CDH12: variants seen among roughly 807,000 people sequenced by gnomAD.
CDH12 encodes cadherin-12.
In CDH12, 41 loss-of-function variants were observed where a neutral mutation model predicts 74.1. The ratio of observed to expected loss-of-function variants is 0.55; its 90% CI spans 0.43 to 0.72. The LOEUF is 0.72. Among genes scored for constraint, CDH12 ranks in the 30% least tolerant of loss-of-function variants. The pLI is 0.00. For missense variants in CDH12, 945 were observed against 977.2 expected, an observed-to-expected ratio of 0.97 and a Z score of 0.44; for synonymous variants, 399 against 355.0, an observed-to-expected ratio of 1.12 and a Z score of -1.39.
intron 5 of CDH12, among the ~76,000 whole-genome samples, chr5:22,029,511 A>T (rs1411748442): frequency 1.3e-5 from 2 of 150,878 alleles, no homozygotes; most frequent in Non-Finnish European, 3.0e-5. Flanking sequence ...CACATGAAAA[A>T]ATGCTCATCA....
At chr5:22,487,838 CT>C (rs1263895953) in intron 2 of CDH12, among the ~76,000 whole-genome samples, 6 of 152,168 alleles carry the variant, frequency 3.9e-5, no homozygotes, top group Non-Finnish European at 7.3e-5. Context: ...CAACTGAGAA[CT>C]GTGCTTAATA....
intron 1 of CDH12, among the ~76,000 whole-genome samples, chr5:22,586,645 C>A (rs2126792106): frequency 6.6e-6 from 1 of 151,892 alleles, no homozygotes; most frequent in East Asian, 1.9e-4. Context: ...GAATTTTTCT[C>A]ATTTTCTCCT....
At chr5:21,941,954 A>G (rs1423286308) in intron 6 of CDH12, among the ~76,000 whole-genome samples, 2 of 152,152 alleles carry the variant, frequency 1.3e-5, no homozygotes, top group Non-Finnish European at 2.9e-5. Flanking sequence ...GGAACCTGTG[A>G]AAATGTCACC....
chr5:22,728,640 G>C (rs1479317950), intron 1 of CDH12, among the ~76,000 whole-genome samples: 1 of 151,848 alleles, frequency 6.6e-6, no homozygotes, highest in Non-Finnish European at 1.5e-5. Flanking sequence ...CTGTCATTGT[G>C]GGAAAGATAA....
chr5:22,457,789 GGC>G (rs1745342833), intron 2 of CDH12, among the ~76,000 whole-genome samples: 1 of 151,956 alleles, frequency 6.6e-6, no homozygotes, highest in Non-Finnish European at 1.5e-5. Context: ...CTGTCACCCA[GGC>G]TGGAGTGCAG....
intron 1 of CDH12, among the ~76,000 whole-genome samples, chr5:22,797,191 A>C (rs1748272266): frequency 6.6e-6 from 1 of 151,172 alleles, no homozygotes; most frequent in South Asian, 2.1e-4. Flanking sequence ...TATAAAAAAA[A>C]AAAAAAAAAA....
chr5:22,044,073 CAT>C (rs1172322014), intron 5 of CDH12, among the ~76,000 whole-genome samples: 3 of 151,906 alleles, frequency 2.0e-5, no homozygotes, highest in African/African-American at 7.3e-5. Context: ...CCTTCAAAGA[CAT>C]AGAAAAAAAT....
chr5:22,062,804 A>G (rs879432931), intron 5 of CDH12, among the ~76,000 whole-genome samples: 1 of 152,160 alleles, frequency 6.6e-6, no homozygotes, highest in African/African-American at 2.4e-5. Flanking sequence ...AAGGAGACTA[A>G]CACATTAGAC....
intron 5 of CDH12, among the ~76,000 whole-genome samples, chr5:22,041,572 AAAG>A (rs1315610457): frequency 1.2e-4 from 19 of 152,266 alleles, no homozygotes; most frequent in Non-Finnish European, 1.0e-4. Flanking sequence ...CACAAGAGAC[AAAG>A]AAGAACTTTA....
chr5:22,359,856 G>A (rs1740723408), intron 3 of CDH12, among the ~76,000 whole-genome samples: 1 of 152,136 alleles, frequency 6.6e-6, no homozygotes, highest in African/African-American at 2.4e-5. Context: ...AATGAAGGCA[G>A]TAATAAAGAT....
intron 6 of CDH12, among the ~76,000 whole-genome samples, chr5:21,932,525 G>T (rs1173252871): frequency 2.0e-5 from 3 of 152,010 alleles, no homozygotes; most frequent in African/African-American, 7.3e-5. Flanking sequence ...GAATTTTGTG[G>T]TTTCTATTAA....
intron 10 of CDH12, among the ~76,000 whole-genome samples, chr5:21,792,583 A>G (rs1746557910): frequency 6.9e-6 from 1 of 144,530 alleles, no homozygotes; most frequent in Admixed American, 7.3e-5. Context: ...CAAGTTGCTT[A>G]AGCTTTCCTC....
At chr5:22,848,716 C>T (rs973061736) in intron 1 of CDH12, among the ~76,000 whole-genome samples, 5 of 152,144 alleles carry the variant, frequency 3.3e-5, no homozygotes, top group Admixed American at 6.5e-5. Context: ...CAGTGTGTAA[C>T]TCTAGCTTGG....
intron 3 of CDH12, among the ~76,000 whole-genome samples, chr5:22,378,451 T>C (rs1489032869): frequency 6.6e-6 from 1 of 152,112 alleles, no homozygotes; most frequent in Non-Finnish European, 1.5e-5. Flanking sequence ...AGTGGACGTA[T>C]ATAACAAAAG....
chr5:22,349,533 C>T (rs1740265942), intron 3 of CDH12, among the ~76,000 whole-genome samples: 1 of 152,094 alleles, frequency 6.6e-6, no homozygotes, highest in Non-Finnish European at 1.5e-5. Flanking sequence ...CCCCTCTTTC[C>T]CAATTCGGAA....
intron 6 of CDH12, among the ~76,000 whole-genome samples, chr5:21,856,724 G>T (rs547848087): frequency 4.0e-5 from 6 of 151,786 alleles, no homozygotes; most frequent in Non-Finnish European, 8.8e-5. Flanking sequence ...ATTTAAAGGA[G>T]TGAATTGGAA....
At chr5:21,924,721 G>GT (rs1353396241) in intron 6 of CDH12, among the ~76,000 whole-genome samples, 2 of 152,142 alleles carry the variant, frequency 1.3e-5, no homozygotes, top group Non-Finnish European at 2.9e-5. Flanking sequence ...GTTGGACAAT[G>GT]TAAGAATCTA....
chr5:22,815,880 GAA>G (rs1749372340), intron 1 of CDH12, among the ~76,000 whole-genome samples: 1 of 151,806 alleles, frequency 6.6e-6, no homozygotes, highest in Admixed American at 6.6e-5. Context: ...ACTTGAAAGA[GAA>G]AGAAGAAATT....
At chr5:22,094,659 C>A (rs959331647) in intron 4 of CDH12, among the ~76,000 whole-genome samples, 1 of 152,078 alleles carries the variant, frequency 6.6e-6, no homozygotes, top group Non-Finnish European at 1.5e-5. Flanking sequence ...AATGGCCCAG[C>A]TACATATCAG....
Sources: allele counts gnomAD v4.1 joint callset (sites outside exome capture counted in the v4.1 genomes callset), GRCh38; gene constraint gnomAD v4.1.1; transcripts MANE v1.5; gene names NCBI Gene and HGNC (gene_info 2026-07-23, HGNC 2026-07-21).